ASIC5: variants seen among roughly 807,000 people sequenced by gnomAD.
ASIC5 encodes the protein bile acid-sensitive ion channel.
In ASIC5, 52 loss-of-function variants were observed where a neutral mutation model predicts 51.2. The observed-to-expected ratio is 1.02, with a 90% CI of 0.81 to 1.28. The LOEUF is 1.28. Ranked by LOEUF, ASIC5 falls within the 50% of genes most tolerant of loss-of-function variation. ASIC5 has a pLI of 0.00. For synonymous variants in ASIC5, 231 were observed against 200.7 expected (o/e 1.15, Z -1.28); for missense variants, 635 against 595.0 (o/e 1.07, Z -0.70).
rs754493930 is a variant in ASIC5, at chr4:155,866,167, G to A, written c.40+20C>T. The A allele has an allele frequency of 2.6e-6, 4 of 1,518,512 alleles. No homozygotes were observed. The highest frequency in any genetic ancestry group is 3.6e-6 in the Non-Finnish European group (4 of 1,096,168). The allele number at this position is 1,518,512 out of a possible 1,614,324, so 94.1% of individuals were successfully genotyped here. A position where few individuals can be genotyped will look rare whatever the true frequency, so the allele number is the denominator to read the frequency against. On this transcript the variant is annotated intron_variant, in intron 1 of 9. Transcript: ENST00000537611. ...GAAATGAAAAATATTACTGCTCTGA[G>A]GAGTTCACTCTTTACTCACCGTTCT... is the stretch of plus-strand genomic sequence containing the variant.
intron 8 of ASIC5, among the ~76,000 whole-genome samples, chr4:155,835,330 C>T (rs551597616): frequency 1.1e-4 from 17 of 151,274 alleles, no homozygotes; most frequent in Non-Finnish European, 2.1e-4. Context: ...GCGGGGATAC[C>T]GAACAGGCGA....
intron 2 of ASIC5, among the ~76,000 whole-genome samples, 175 bp from the exon 3 acceptor site, chr4:155,854,489 A>T (rs549678448): frequency 6.6e-6 from 1 of 152,188 alleles, no homozygotes; most frequent in South Asian, 2.1e-4. Context: ...TTGTGCAATT[A>T]ATCTTGTATT....
chr4:155,863,265 G>A (rs759382950), intron 2 of ASIC5, among the ~76,000 whole-genome samples, 183 bp downstream of exon 2: 1 of 152,104 alleles, frequency 6.6e-6, no homozygotes, highest in East Asian at 1.9e-4. Context: ...ATAAGTGAAA[G>A]AAGAAATTAA....
At position 155,863,735 on chromosome 4, in the gene ASIC5, C is replaced by A; in HGVS notation, c.60G>T (p.Lys20Asn). Residue 20 changes from lysine to asparagine, a missense_variant, in exon 2 of 10, where the codon AAG becomes AAT. Physicochemically the swap from Lys to Asn is moderately conservative, Grantham distance 94 (BLOSUM62 0). Transcript: ENST00000537611. Reference protein sequence around the residue: ...YAENGLLEKIKLCLSKKPLPS... With the variant: ...YAENGLLEKINLCLSKKPLPS... ...GCAGTGGTTTCTTTGAAAGGCAAAG[C>A]TTTATCTTTTCTAAGAGTCCTTAAG... 1 of 1,612,912 alleles carries A rather than the reference C, an allele frequency of 6.2e-7. No individual in the cohort carries two copies. The highest frequency in any genetic ancestry group is 1.1e-5 in the South Asian group (1 of 91,034).
chr4:155,854,291 T>A lies in ASIC5; in HGVS notation c.371A>T (p.Lys124Ile). The part of the protein sequence containing the change: ...LNRFQTDAVA[K>I]FGVIFFLWHI... ...CCATAAGAAAAAAATAACACCAAAT[T>A]TGGCTACAGCATCTGTTTGGAACCT... Residue 124 changes from lysine (K) to isoleucine (I), a missense_variant, in exon 3 of 10, where the codon AAA (lysine) becomes ATA (isoleucine). By Grantham distance (102) the Lys-to-Ile change is moderately radical. Transcript: ENST00000537611. The A allele has an allele frequency of 6.2e-7, 1 of 1,612,392 alleles. No homozygotes were observed. Among genetic ancestry groups the A allele is most frequent in the Non-Finnish European group, 8.5e-7 (1 of 1,178,880 alleles).
At chr4:155,863,297 T>G (rs751126738) in intron 2 of ASIC5, 151 bp downstream of exon 2, 1 of 611,152 alleles carries the variant, frequency 1.6e-6, no homozygotes, top group Non-Finnish European at 2.8e-6. Context: ...CTCCCTTAAA[T>G]TTGTGCTTTT....
chr4:155,831,906 A>G lies in ASIC5; in HGVS notation c.1245T>C (p.Leu415=), dbSNP rs139136990. ...NQSRKYIREN[L]VKIEINYSDL... ...CACTATAGTTAATTTCAATTTTTACAAGATTCTCCCTAGGGATAAAAAAGA... is the reference window on the plus strand; with the variant it reads ...CACTATAGTTAATTTCAATTTTTACGAGATTCTCCCTAGGGATAAAAAAGA... The change falls in exon 9 of 10, where the codon CTT becomes CTC. Residue 415 remains leucine, a synonymous_variant. Coordinates refer to ENST00000537611, the MANE Select transcript of ASIC5 (RefSeq NM_017419.3). 2.9e-4 allele frequency: 450 copies of G among 1,561,720 alleles called. No individual in the cohort carries two copies. The highest frequency in any genetic ancestry group is 3.7e-4 in the Non-Finnish European group (423 of 1,134,792).
chr4:155,842,661 TC>T (rs1256449561), intron 5 of ASIC5, among the ~76,000 whole-genome samples: 2 of 152,104 alleles, frequency 1.3e-5, no homozygotes, highest in African/African-American at 4.8e-5. Context: ...AGTGTAGTAA[TC>T]AGCTCACCTA....
intron 7 of ASIC5, among the ~76,000 whole-genome samples, chr4:155,838,267 G>A (rs560838753): frequency 6.6e-6 from 1 of 152,246 alleles, no homozygotes; most frequent in Admixed American, 6.5e-5. Flanking sequence ...ATATACTAAA[G>A]TGTTAGCGAT....
intron 9 of ASIC5, among the ~76,000 whole-genome samples, chr4:155,830,745 T>TA (rs925019783): frequency 6.6e-6 from 1 of 152,178 alleles, no homozygotes; most frequent in Admixed American, 6.5e-5. Context: ...CATTAAACTC[T>TA]AACTCCTCAT....
At chr4:155,844,794 A>G (rs897346545) in intron 4 of ASIC5, among the ~76,000 whole-genome samples, 4 of 152,054 alleles carry the variant, frequency 2.6e-5, no homozygotes, top group African/African-American at 9.7e-5. Context: ...AATGCTCCCT[A>G]AAATGTGCAG....
At chr4:155,843,926 G>T in intron 4 of ASIC5, 96 bp from the exon 5 acceptor site, 1 of 1,068,556 alleles carries the variant, frequency 9.4e-7, no homozygotes, top group African/African-American at 1.6e-5. Flanking sequence ...GATAGCGTTT[G>T]ACTAATCCTA....
At chr4:155,856,222 G>T (rs1389400943) in intron 2 of ASIC5, among the ~76,000 whole-genome samples, 1 of 152,054 alleles carries the variant, frequency 6.6e-6, no homozygotes, top group Admixed American at 6.6e-5. Flanking sequence ...AAATATCATT[G>T]TAAGCCTTTT....
chr4:155,841,142 G>A (rs1741109361), intron 6 of ASIC5, among the ~76,000 whole-genome samples: 1 of 152,096 alleles, frequency 6.6e-6, no homozygotes, highest in African/African-American at 2.4e-5. Context: ...GCATGAATTA[G>A]TTTTTCTCTA....
chr4:155,839,721 T>TAA (rs923437010), intron 6 of ASIC5, among the ~76,000 whole-genome samples: 3 of 137,122 alleles, frequency 2.2e-5, no homozygotes, highest in Non-Finnish European at 1.6e-5. Context: ...ATACAATAAG[T>TAA]AAAAAAAAAA....
At chr4:155,847,998 G>A (rs973735076) in intron 4 of ASIC5, among the ~76,000 whole-genome samples, 2 of 151,940 alleles carry the variant, frequency 1.3e-5, no homozygotes, top group African/African-American at 4.8e-5. Flanking sequence ...GATCATAAAG[G>A]TTATAAAAGG....
Position 155,854,436 on chromosome 4 carries a change from A to G in ASIC5, c.348-122T>C, listed in dbSNP as rs563842707. ...TCTCCCACACTCTCCCTTATTTGCA[A>G]GACATTTAAGCAAAATTTGATGCCT... On this transcript the variant is annotated intron_variant, in intron 2 of 9. Coordinates refer to ENST00000537611, the MANE Select transcript of ASIC5 (RefSeq NM_017419.3). 3.1e-5 allele frequency: 23 copies of G among 732,878 alleles called. 1 individual carries two copies. The South Asian group carries it at 4.2e-4, about 13-fold the overall frequency. 45.4% of individuals were successfully genotyped at this position (732,878 alleles called of 1,614,324 possible). A position where few individuals can be genotyped will look rare whatever the true frequency, so the allele number is the denominator to read the frequency against.
At chr4:155,845,897 A>G (rs1741230040) in intron 4 of ASIC5, among the ~76,000 whole-genome samples, 1 of 152,098 alleles carries the variant, frequency 6.6e-6, no homozygotes, top group Non-Finnish European at 1.5e-5. Context: ...GTTGTAAAAC[A>G]GGTTATCAAG....
chr4:155,854,451 A>G, intron 2 of ASIC5, 137 bp from the exon 3 acceptor site: 2 of 658,488 alleles, frequency 3.0e-6, no homozygotes, highest in Non-Finnish European at 5.2e-6. Flanking sequence ...TTTAAGCAAA[A>G]TTTGATGCCT....
Sources: allele counts gnomAD v4.1 joint callset (sites outside exome capture counted in the v4.1 genomes callset), GRCh38; gene constraint gnomAD v4.1.1; transcripts MANE v1.5; gene names NCBI Gene and HGNC (gene_info 2026-07-23, HGNC 2026-07-21).